CCDC15: variants seen among roughly 807,000 people sequenced by gnomAD.
CCDC15 encodes coiled-coil domain-containing protein 15.
CCDC15 carries 105 observed loss-of-function variants against 114.5 expected under a neutral mutation model. That is an observed-to-expected ratio of 0.92 (90% CI 0.78 to 1.08). CCDC15 has a LOEUF of 1.08. CCDC15 is among the 50% of genes least tolerant of loss of function. CCDC15 has a pLI of 0.00. For synonymous variants in CCDC15, 334 were observed against 377.8 expected (o/e 0.88, Z 1.34); for missense variants, 1,105 against 1,093.6 (o/e 1.01, Z -0.15).
At chr11:125,002,015 C>T (rs1380380195) in intron 11 of CCDC15, among the ~76,000 whole-genome samples, 1 of 152,096 alleles carries the variant, frequency 6.6e-6, no homozygotes, top group Non-Finnish European at 1.5e-5. Context: ...TTTTTCATTC[C>T]CACCAGCGGT....
At chr11:124,982,866 AT>A (rs1164739242) in intron 6 of CCDC15, among the ~76,000 whole-genome samples, 1 of 152,186 alleles carries the variant, frequency 6.6e-6, no homozygotes, top group Non-Finnish European at 1.5e-5. Context: ...ATTTTCATGG[AT>A]GATATGAAAA....
At chr11:125,027,635 C>G (rs1341186486) in intron 13 of CCDC15, among the ~76,000 whole-genome samples, 3 of 150,064 alleles carry the variant, frequency 2.0e-5, no homozygotes, top group Non-Finnish European at 3.0e-5. Flanking sequence ...GGATATTAGT[C>G]CTTTGTTGGA....
intron 11 of CCDC15, among the ~76,000 whole-genome samples, chr11:125,000,778 A>G (rs1189414162): frequency 6.6e-6 from 1 of 152,214 alleles, no homozygotes; most frequent in African/African-American, 2.4e-5. Flanking sequence ...TATTCTTGTC[A>G]TTCATAGTGG....
chr11:125,038,177 C>G, intron 13 of CCDC15: 1 of 239,592 alleles, frequency 4.2e-6, no homozygotes, highest in East Asian at 8.1e-5. Flanking sequence ...GCTTCGGCCT[C>G]TCAGAGTGCT....
intron 2 of CCDC15, among the ~76,000 whole-genome samples, chr11:124,956,432 C>A (rs533624738): frequency 6.6e-6 from 1 of 151,654 alleles, no homozygotes; most frequent in East Asian, 1.9e-4. Context: ...TAGAGTGAGA[C>A]CCCATCTCTG....
At chr11:124,980,120 A>G (rs1239560446) in intron 6 of CCDC15, among the ~76,000 whole-genome samples, 1 of 151,418 alleles carries the variant, frequency 6.6e-6, no homozygotes, top group African/African-American at 2.4e-5. Flanking sequence ...TCCCAGGGAT[A>G]GCTTTATTAT....
At chr11:125,013,577 T>C (rs1314062012) in intron 13 of CCDC15, among the ~76,000 whole-genome samples, 2 of 152,122 alleles carry the variant, frequency 1.3e-5, no homozygotes, top group Non-Finnish European at 2.9e-5. Context: ...TCCATAGATT[T>C]TGATGACCAA....
chr11:125,006,060 A>G (rs1948549451), intron 13 of CCDC15, among the ~76,000 whole-genome samples: 1 of 152,182 alleles, frequency 6.6e-6, no homozygotes, highest in Non-Finnish European at 1.5e-5. Context: ...ATACATTTTT[A>G]GCTTATTTGA....
intron 10 of CCDC15, 81 bp downstream of exon 10, chr11:124,992,768 C>T: frequency 1.3e-6 from 1 of 755,618 alleles, no homozygotes; most frequent in Non-Finnish European, 2.2e-6. Flanking sequence ...GAGGCTGAAG[C>T]CTGTCAAGCT....
At chr11:125,003,490 A>C (rs887708990) in intron 11 of CCDC15, among the ~76,000 whole-genome samples, 10 of 151,948 alleles carry the variant, frequency 6.6e-5, no homozygotes, top group African/African-American at 2.2e-4. Context: ...TATAAATTCA[A>C]AGTGATCATA....
Position 125,001,258 on chromosome 11 carries a change from C to T in CCDC15, c.2215-2609C>T, listed in dbSNP as rs1384658362. Among the ~76,000 whole-genome samples the T allele has an allele frequency of 2.6e-5, 4 of 152,204 alleles. No individual in the cohort carries two copies. In the East Asian group the frequency reaches 5.8e-4, roughly 22 times the overall value. ...CACCTTGGTCAGCCTCAGTTGGCAA[C>T]ATGCATATTGGATGACTCAAATTTT... On this transcript the variant is annotated intron_variant, in intron 11 of 15. Coordinates refer to ENST00000344762, the MANE Select transcript of CCDC15 (RefSeq NM_025004.3).
chr11:124,970,148 C>T (rs1470146090), intron 4 of CCDC15, among the ~76,000 whole-genome samples: 1 of 152,202 alleles, frequency 6.6e-6, no homozygotes, highest in Non-Finnish European at 1.5e-5. Context: ...CTCCTCATCA[C>T]AGCTTCATAA....
intron 4 of CCDC15, among the ~76,000 whole-genome samples, chr11:124,968,827 G>T (rs1252028603): frequency 2.0e-5 from 3 of 152,048 alleles, no homozygotes; most frequent in Non-Finnish European, 4.4e-5. Flanking sequence ...CTCCATATGT[G>T]GCCATCTAAT....
At chr11:125,012,441 C>T (rs1170846595) in intron 13 of CCDC15, among the ~76,000 whole-genome samples, 3 of 152,140 alleles carry the variant, frequency 2.0e-5, no homozygotes, top group African/African-American at 7.2e-5. Context: ...AAATTCATTC[C>T]TTTTCTTGAA....
chr11:124,969,232 A>T (rs765919955), intron 4 of CCDC15, among the ~76,000 whole-genome samples: 42 of 152,198 alleles, frequency 2.8e-4, no homozygotes, highest in Non-Finnish European at 4.4e-4. Context: ...CCTCTGCTTG[A>T]TAATACTTGG....
chr11:125,023,113 T>G (rs552431409), intron 13 of CCDC15, among the ~76,000 whole-genome samples: 17 of 152,008 alleles, frequency 1.1e-4, no homozygotes, highest in African/African-American at 4.1e-4. Context: ...CACAAAGATT[T>G]TCTTCTAGAA....
intron 13 of CCDC15, among the ~76,000 whole-genome samples, chr11:125,015,229 A>G (rs1280842822): frequency 2.0e-5 from 3 of 152,154 alleles, no homozygotes; most frequent in Non-Finnish European, 2.9e-5. Flanking sequence ...CATCAGAAAA[A>G]AAGCCATAGG....
intron 12 of CCDC15, among the ~76,000 whole-genome samples, chr11:125,004,403 G>A (rs1948527085): frequency 6.6e-6 from 1 of 151,838 alleles, no homozygotes. Context: ...GAAAACGGAG[G>A]TTTAGGGCAT....
intron 13 of CCDC15, among the ~76,000 whole-genome samples, chr11:125,027,399 A>G (rs112327321): frequency 0.053 from 8,079 of 152,030 alleles, 243 homozygotes; most frequent in Middle Eastern, 0.082. Context: ...GCCAACATCT[A>G]TTATTTTTTT....
Sources: allele counts gnomAD v4.1 joint callset (sites outside exome capture counted in the v4.1 genomes callset), GRCh38; gene constraint gnomAD v4.1.1; transcripts MANE v1.5; gene names NCBI Gene and HGNC (gene_info 2026-07-23, HGNC 2026-07-21).